Variants in CCDC163 observed in about 807,000 individuals in gnomAD.
CCDC163 encodes CCDC163 homolog.
In CCDC163, 13 loss-of-function variants were observed where a neutral mutation model predicts 8.2. That is an observed-to-expected ratio of 1.59 (90% CI 1.04 to 2.54). The LOEUF (loss-of-function observed/expected upper bound fraction) is 2.54, where lower values mean the gene tolerates loss of function less well. Among genes scored for constraint, CCDC163 ranks in the 30% most tolerant of loss-of-function variants. The pLI is 0.00. For missense variants in CCDC163, 117 were observed against 78.6 expected, an observed-to-expected ratio of 1.49 and a Z score of -1.85; for synonymous variants, 41 against 30.9, an observed-to-expected ratio of 1.33 and a Z score of -1.08.
At chr1:45,498,278 G>C (rs1363600474) in intron 2 of CCDC163, among the ~76,000 whole-genome samples, 2 of 150,768 alleles carry the variant, frequency 1.3e-5, no homozygotes, top group Non-Finnish European at 3.0e-5. Context: ...AGGAAAACCA[G>C]AGACCTTTGT....
intron 3 of CCDC163, 60 bp downstream of exon 3, chr1:45,497,239 T>A: frequency 6.9e-6 from 5 of 724,740 alleles, no homozygotes; most frequent in Non-Finnish European, 1.3e-5. Flanking sequence ...AAGAAGAAGA[T>A]GACTTTCCAG....
chr1:45,497,647 ACCC>A (rs1654300614), intron 2 of CCDC163, among the ~76,000 whole-genome samples: 1 of 95,920 alleles, frequency 1.0e-5, no homozygotes, highest in Non-Finnish European at 2.1e-5. Context: ...CCCGGCCGCC[ACCC>A]CGTCTGGGAA....
intron 2 of CCDC163, among the ~76,000 whole-genome samples, chr1:45,497,631 C>T (rs1179231158): frequency 1.8e-5 from 2 of 113,998 alleles, no homozygotes; most frequent in African/African-American, 3.5e-5. Context: ...GAGACTGCAG[C>T]CTCTGCCCGG....
chr1:45,495,134 G>A lies in CCDC163; in HGVS notation c.363C>T (p.Ser121=). Residue 121 remains serine (S), a synonymous_variant, in exon 5 of 5, where the codon AGC becomes AGT. Coordinates refer to ENST00000629482, the MANE Select transcript of CCDC163 (RefSeq NM_001102601.3). ...TGGGCATGGAGCTGAAAGATGCTGG[G>A]CTCCAGGTTAGAAAGGGTGCTCCTC... ...IPRGAPFLTW[S]PASFSSMPRV... 1 of 780,844 alleles carries A rather than the reference G, an allele frequency of 1.3e-6. No individual in the cohort carries two copies. Among genetic ancestry groups the A allele is most frequent in the Non-Finnish European group, 2.4e-6 (1 of 417,988 alleles). 48.4% of individuals were successfully genotyped at this position (780,844 alleles called of 1,614,324 possible). A position where few individuals can be genotyped will look rare whatever the true frequency, so the allele number is the denominator to read the frequency against.
intron 2 of CCDC163, 85 bp downstream of exon 2, chr1:45,499,260 T>C: frequency 1.4e-6 from 1 of 717,094 alleles, no homozygotes; most frequent in East Asian, 2.7e-5. Context: ...AGAGTTGGAA[T>C]TTGGAAGGAA....
At chr1:45,496,086 G>A (rs1187844491) in intron 4 of CCDC163, 1 of 282,048 alleles carries the variant, frequency 3.5e-6, no homozygotes, top group Admixed American at 4.9e-5. Flanking sequence ...TCAAATCTAG[G>A]ATAGCTGAAC....
intron 3 of CCDC163, 122 bp from the exon 4 acceptor site, chr1:45,496,745 C>A (rs1305004086): frequency 3.1e-6 from 2 of 642,626 alleles, no homozygotes; most frequent in Non-Finnish European, 5.6e-6. Context: ...CATTGGGACG[C>A]TTCCAAGCTG....
intron 4 of CCDC163, chr1:45,496,313 C>T (rs2149315262): frequency 3.3e-6 from 2 of 603,654 alleles, no homozygotes; most frequent in Admixed American, 4.7e-5. Flanking sequence ...CTCTCTCCCT[C>T]CCCATGACTG....
chr1:45,497,641 G>T (rs1355821278), intron 2 of CCDC163, among the ~76,000 whole-genome samples: 1 of 111,016 alleles, frequency 9.0e-6, no homozygotes, highest in African/African-American at 3.6e-5. Flanking sequence ...CCTCTGCCCG[G>T]CCGCCACCCC....
intron 3 of CCDC163, 123 bp from the exon 4 acceptor site, chr1:45,496,746 T>C (rs1444008872): frequency 3.1e-6 from 2 of 641,936 alleles, no homozygotes; most frequent in African/African-American, 3.6e-5. Context: ...ATTGGGACGC[T>C]TCCAAGCTGA....
chr1:45,499,005 A>C (rs1643453800), intron 2 of CCDC163, among the ~76,000 whole-genome samples: 1 of 152,212 alleles, frequency 6.6e-6, no homozygotes, highest in South Asian at 2.1e-4. Flanking sequence ...CCTGAGCCTG[A>C]CATTGAAATT....
Position 45,496,959 on chromosome 1 carries a change from G to A in CCDC163, c.263-336C>T, listed in dbSNP as rs1475761611. 2.6e-5 allele frequency among the ~76,000 whole-genome samples: 4 copies of A among 152,162 alleles called. 1 individual carries two copies. The highest frequency in any genetic ancestry group is 4.1e-4 in the South Asian group (2 of 4,824). ...GCGGATCATCTGAGGTCAGGAGTTC[G>A]AGACCAGCTCGGCCAACATGGTGAA... is the stretch of plus-strand genomic sequence containing the variant. On this transcript the variant is annotated intron_variant, in intron 3 of 4. Transcript: ENST00000629482.
At chr1:45,498,876 C>T (rs1643449825) in intron 2 of CCDC163, among the ~76,000 whole-genome samples, 1 of 152,202 alleles carries the variant, frequency 6.6e-6, no homozygotes, top group Admixed American at 6.5e-5. Context: ...TGCCTTAGTG[C>T]CTGTCACCTC....
chr1:45,497,098 G>A (rs1039212048), intron 3 of CCDC163, among the ~76,000 whole-genome samples: 2 of 152,114 alleles, frequency 1.3e-5, no homozygotes, highest in East Asian at 1.9e-4. Context: ...GCTTGGACTC[G>A]GGAGGCAGAG....
intron 2 of CCDC163, among the ~76,000 whole-genome samples, chr1:45,499,109 C>G (rs991929055): frequency 6.6e-6 from 1 of 152,186 alleles, no homozygotes; most frequent in African/African-American, 2.4e-5. Context: ...GTCTCTAAAG[C>G]CCAAGGCTGT....
chr1:45,498,691 C>T (rs547565481), intron 2 of CCDC163: 2 of 155,546 alleles, frequency 1.3e-5, no homozygotes, highest in African/African-American at 2.4e-5. Context: ...TTCACAAGAC[C>T]CTAGATACTC....
At chr1:45,497,190 T>G in intron 3 of CCDC163, 109 bp downstream of exon 3, 1 of 581,354 alleles carries the variant, frequency 1.7e-6, no homozygotes, top group Non-Finnish European at 3.1e-6. Flanking sequence ...AGAGCAAGAC[T>G]CCATCTCAAA....
At position 45,495,417 on chromosome 1, in the gene CCDC163, C is replaced by T. The variant is rs148407997; in HGVS notation, c.331-251G>A. ...ACGGGAATCCTTGTCCTTATCCTTA[C>T]CTGGCTTCCATAAAAGTTCCCAGCT... On this transcript the variant is annotated intron_variant, in intron 4 of 4. Transcript: ENST00000629482. The T allele has an allele frequency of 2.1e-4, 151 of 702,830 alleles. No homozygotes were observed. In the East Asian group the frequency reaches 4.0e-3, roughly 19 times the overall value. The allele number at this position is 702,830 out of a possible 1,614,324, so 43.5% of individuals were successfully genotyped here.
intron 3 of CCDC163, 26 bp from the exon 4 acceptor site, chr1:45,496,649 G>A: frequency 1.3e-6 from 1 of 771,648 alleles, no homozygotes; most frequent in Non-Finnish European, 2.4e-6. Context: ...AATGTAAGGG[G>A]GCTGTTCCCC....
Sources: allele counts gnomAD v4.1 joint callset (sites outside exome capture counted in the v4.1 genomes callset), GRCh38; gene constraint gnomAD v4.1.1; transcripts MANE v1.5; gene names NCBI Gene and HGNC (gene_info 2026-07-23, HGNC 2026-07-21).